The following METTL15 variants were observed in gnomAD, a reference collection of about 807,000 sequenced individuals.
METTL15 encodes the protein methyltransferase 15, mitochondrial 12S rRNA N4-cytidine.
METTL15 carries 34 observed loss-of-function variants against 38.3 expected under a neutral mutation model. That is an observed-to-expected ratio of 0.89 (90% CI 0.68 to 1.18). METTL15 has a LOEUF of 1.18. Among genes scored for constraint, METTL15 ranks in the 50% most tolerant of loss-of-function variants. The pLI is 0.00. For missense variants in METTL15, 438 were observed against 498.4 expected (o/e 0.88, Z 1.15); for synonymous variants, 162 against 170.9 (o/e 0.95, Z 0.41).
intron 3 of METTL15, among the ~76,000 whole-genome samples, chr11:28,120,592 A>G (rs1852186344): frequency 6.6e-6 from 1 of 151,824 alleles, no homozygotes; most frequent in African/African-American, 2.4e-5. Context: ...TACGTTCCTG[A>G]TGTCATGGAA....
intron 6 of METTL15, among the ~76,000 whole-genome samples, chr11:28,460,216 A>G (rs915059074): frequency 3.3e-5 from 5 of 152,100 alleles, no homozygotes; most frequent in African/African-American, 1.2e-4. Context: ...GTATCTCTAT[A>G]TCCACAATCC....
intron 6 of METTL15, among the ~76,000 whole-genome samples, chr11:28,309,172 G>A (rs1021187588): frequency 1.8e-4 from 28 of 152,150 alleles, no homozygotes; most frequent in Admixed American, 1.2e-3. Flanking sequence ...CACCAAAATC[G>A]TCTTCTCTTC....
chr11:28,162,081 A>G (rs1260029209), intron 3 of METTL15, among the ~76,000 whole-genome samples: 1 of 152,122 alleles, frequency 6.6e-6, no homozygotes, highest in Non-Finnish European at 1.5e-5. Context: ...CCTCTGTAAA[A>G]TAAGTACCAT....
intron 3 of METTL15, among the ~76,000 whole-genome samples, chr11:28,210,155 G>GC (rs1852567000): frequency 6.6e-6 from 1 of 151,888 alleles, no homozygotes. Context: ...AAATAAAATA[G>GC]CCAAGAAATA....
chr11:28,506,178 T>C (rs1317235461), intron 6 of METTL15, among the ~76,000 whole-genome samples: 1 of 152,228 alleles, frequency 6.6e-6, no homozygotes, highest in Non-Finnish European at 1.5e-5. Context: ...GTTATCCAAA[T>C]GACGTAGGGT....
chr11:28,252,690 A>T (rs912228113), intron 4 of METTL15, among the ~76,000 whole-genome samples: 1 of 152,012 alleles, frequency 6.6e-6, no homozygotes, highest in Non-Finnish European at 1.5e-5. Flanking sequence ...GAGCATCCTC[A>T]TCAATAAACT....
At chr11:28,225,600 C>T (rs1439138802) in intron 4 of METTL15, among the ~76,000 whole-genome samples, 1 of 150,238 alleles carries the variant, frequency 6.7e-6, no homozygotes, top group Non-Finnish European at 1.5e-5. Flanking sequence ...TTGTTCTTTT[C>T]ACCCCCTGGC....
At chr11:28,438,878 T>C (rs1851007688) in intron 6 of METTL15, among the ~76,000 whole-genome samples, 1 of 151,928 alleles carries the variant, frequency 6.6e-6, no homozygotes. Flanking sequence ...GGTTTCACCA[T>C]GTTGGCCAGG....
intron 5 of METTL15, among the ~76,000 whole-genome samples, chr11:28,372,333 T>A (rs756793925): frequency 3.9e-5 from 6 of 152,092 alleles, no homozygotes; most frequent in African/African-American, 1.4e-4. Flanking sequence ...TCTCACTTGA[T>A]CATGGTGAAT....
intron 5 of METTL15, among the ~76,000 whole-genome samples, chr11:28,378,931 G>C (rs966887692): frequency 1.3e-5 from 2 of 151,734 alleles, no homozygotes; most frequent in Admixed American, 6.6e-5. Flanking sequence ...TTTCCTCTTT[G>C]TTCATAGGTC....
chr11:28,130,453 A>G (rs1852714302), intron 3 of METTL15, among the ~76,000 whole-genome samples: 1 of 152,192 alleles, frequency 6.6e-6, no homozygotes, highest in Non-Finnish European at 1.5e-5. Context: ...TACTATTTGA[A>G]AAAATAAGTG....
chr11:28,163,120 G>A (rs1850529445), intron 3 of METTL15, among the ~76,000 whole-genome samples: 1 of 150,542 alleles, frequency 6.6e-6, no homozygotes, highest in Admixed American at 6.7e-5. Flanking sequence ...TAGATGAAAA[G>A]GCAGATATTG....
chr11:28,365,789 C>A (rs947561322), intron 5 of METTL15, among the ~76,000 whole-genome samples: 1 of 152,076 alleles, frequency 6.6e-6, no homozygotes, highest in Admixed American at 6.6e-5. Flanking sequence ...GGCTCATGAG[C>A]GCCTGTAATC....
At chr11:28,430,339 C>CT in intron 6 of METTL15, among the ~76,000 whole-genome samples, 1 of 71,342 alleles carries the variant, frequency 1.4e-5, no homozygotes, top group East Asian at 4.3e-4. Flanking sequence ...GGGTCAGCCC[C>CT]CCGCCCGGCC....
At chr11:28,292,003 G>A (rs553182971) in intron 5 of METTL15, among the ~76,000 whole-genome samples, 18 of 151,936 alleles carry the variant, frequency 1.2e-4, no homozygotes, top group Non-Finnish European at 2.2e-4. Flanking sequence ...AGATGGTATA[G>A]ACTATAACTT....
At chr11:28,455,557 C>T (rs1158772545) in intron 6 of METTL15, among the ~76,000 whole-genome samples, 4 of 152,120 alleles carry the variant, frequency 2.6e-5, no homozygotes, top group South Asian at 2.1e-4. Context: ...CCACTTCCAG[C>T]GTGGCACATT....
chr11:28,520,352 G>GA (rs1424846036), intron 6 of METTL15, among the ~76,000 whole-genome samples: 3 of 151,388 alleles, frequency 2.0e-5, no homozygotes. Flanking sequence ...AATAGAAAAA[G>GA]AAAAAAAAGG....
intron 5 of METTL15, among the ~76,000 whole-genome samples, chr11:28,371,758 G>A (rs1022596722): frequency 6.6e-6 from 1 of 151,852 alleles, no homozygotes; most frequent in Non-Finnish European, 1.5e-5. Flanking sequence ...TGAAGCCATT[G>A]TACATGGGTT....
intron 6 of METTL15, among the ~76,000 whole-genome samples, chr11:28,496,182 T>C (rs565642622): frequency 1.3e-5 from 2 of 152,366 alleles, no homozygotes; most frequent in African/African-American, 2.4e-5. Flanking sequence ...CAGTTCCACA[T>C]AGCTGGAGAG....
Sources: allele counts gnomAD v4.1 joint callset (sites outside exome capture counted in the v4.1 genomes callset), GRCh38; gene constraint gnomAD v4.1.1; transcripts MANE v1.5; gene names NCBI Gene and HGNC (gene_info 2026-07-23, HGNC 2026-07-21).